CFI: variants seen among roughly 807,000 people sequenced by gnomAD.
The protein encoded by CFI is C3B/C4B inactivator.
Under a neutral mutation model 78.8 loss-of-function variants are expected in CFI, and 66 were observed. The ratio of observed to expected loss-of-function variants is 0.84; its 90% CI spans 0.69 to 1.03. The LOEUF (loss-of-function observed/expected upper bound fraction) is 1.03. Among genes scored for constraint, CFI ranks in the 50% least tolerant of loss-of-function variants. The pLI is 0.00. For missense variants in CFI, 706 were observed against 704.5 expected (o/e 1.00, Z -0.02); for synonymous variants, 250 against 232.6 (o/e 1.07, Z -0.68).
downstream of CFI, among the ~76,000 whole-genome samples, chr4:109,736,834 C>T (rs1458459671): frequency 6.6e-6 from 1 of 152,170 alleles, no homozygotes; most frequent in East Asian, 1.9e-4. Context: ...TACACCTTCA[C>T]TGGGCTTCCT....
intron 10 of CFI, among the ~76,000 whole-genome samples, chr4:109,747,743 G>T (rs1724654217): frequency 6.6e-6 from 1 of 152,114 alleles, no homozygotes; most frequent in Non-Finnish European, 1.5e-5. Flanking sequence ...TTTGGCACCA[G>T]GGACAGGTTT....
intron 1 of CFI, among the ~76,000 whole-genome samples, chr4:109,792,125 A>G (rs1731458322): frequency 6.6e-6 from 1 of 152,184 alleles, no homozygotes; most frequent in African/African-American, 2.4e-5. Flanking sequence ...TGTGCGCTTG[A>G]GAAAAATGTG....
At chr4:109,796,804 A>G (rs925713275) in intron 1 of CFI, among the ~76,000 whole-genome samples, 1 of 152,236 alleles carries the variant, frequency 6.6e-6, no homozygotes, top group Non-Finnish European at 1.5e-5. Context: ...CTTTAACAAA[A>G]CAAAACAATC....
At chr4:109,739,257 C>T (rs1440245567), downstream of CFI, among the ~76,000 whole-genome samples, 2 of 150,194 alleles carry the variant, frequency 1.3e-5, no homozygotes, top group Non-Finnish European at 3.0e-5. Context: ...TGTCTGTCTT[C>T]AGGATAAAGA....
intron 1 of CFI, among the ~76,000 whole-genome samples, chr4:109,774,666 C>T (rs370713556): frequency 1.3e-5 from 2 of 152,228 alleles, no homozygotes; most frequent in African/African-American, 4.8e-5. Flanking sequence ...GGTGTAAACC[C>T]TCCAGTGTGT....
intron 1 of CFI, 89 bp from the exon 2 acceptor site, chr4:109,766,913 T>TA (rs1260723286): frequency 1.5e-6 from 2 of 1,299,024 alleles, no homozygotes; most frequent in Non-Finnish European, 2.2e-6. Flanking sequence ...GCAAAACAGA[T>TA]ACAGCCCACA....
At chr4:109,780,698 G>A (rs549867127) in intron 1 of CFI, among the ~76,000 whole-genome samples, 29 of 152,200 alleles carry the variant, frequency 1.9e-4, no homozygotes, top group South Asian at 1.9e-3. Context: ...ACATGCACAC[G>A]TATGTTTATT....
intron 1 of CFI, among the ~76,000 whole-genome samples, chr4:109,783,774 C>G (rs1730360482): frequency 6.8e-6 from 1 of 146,508 alleles, no homozygotes; most frequent in African/African-American, 2.5e-5. Context: ...AGAGCCAATC[C>G]AAATGCCCAC....
intron 8 of CFI, 107 bp downstream of exon 8, chr4:109,752,361 G>T: frequency 2.1e-6 from 2 of 953,892 alleles, no homozygotes; most frequent in Non-Finnish European, 3.3e-6. Context: ...AATTTAAATT[G>T]ATACCAAAAC....
At chr4:109,732,265 C>T in the CFI span, among the ~76,000 whole-genome samples, 3 of 152,168 alleles carry the variant, frequency 2.0e-5, no homozygotes, top group Non-Finnish European at 4.4e-5. Flanking sequence ...TCTCAAATGC[C>T]AGTTCTTCTG....
In CFI at chr4:109,783,812, G is replaced by GATATATATATATATATATAT. The variant is rs34128338; in HGVS notation, c.58-17008_58-16989dup. Among the ~76,000 whole-genome samples the GATATATATATATATATATAT allele has an allele frequency of 5.6e-3, 631 of 112,794 alleles. 29 individuals are homozygous for GATATATATATATATATATAT. Among genetic ancestry groups the GATATATATATATATATATAT allele is most frequent in the Admixed American group, 8.1e-3 (80 of 9,898 alleles). 74.0% of individuals were successfully genotyped at this position (112,794 alleles called of 152,430 possible). ...TTCAATGAGTGGATAAAGAAACTGT[G>GATATATATATATATATATAT]ATATATATATATATATATATATGAT... is the stretch of plus-strand genomic sequence containing the variant. On this transcript the variant is annotated intron_variant, in intron 1 of 12. Coordinates refer to ENST00000394634, the MANE Select transcript of CFI (RefSeq NM_000204.5).
At chr4:109,746,727 G>A (rs1255199863) in intron 10 of CFI, among the ~76,000 whole-genome samples, 2 of 152,134 alleles carry the variant, frequency 1.3e-5, no homozygotes, top group African/African-American at 4.8e-5. Flanking sequence ...CTCAATATGA[G>A]GAACATAAAG....
At chr4:109,737,664 C>T (rs1279321347), downstream of CFI, among the ~76,000 whole-genome samples, 1 of 152,184 alleles carries the variant, frequency 6.6e-6, no homozygotes, top group Non-Finnish European at 1.5e-5. Flanking sequence ...GACTGGGACC[C>T]ATGCTAGTGG....
intron 1 of CFI, among the ~76,000 whole-genome samples, chr4:109,782,667 G>GA (rs1311718691): frequency 4.0e-5 from 6 of 151,038 alleles, no homozygotes; most frequent in Admixed American, 1.3e-4. Flanking sequence ...CACAGAATTA[G>GA]AAAAAAAAAT....
At chr4:109,733,284 C>T in the CFI span, among the ~76,000 whole-genome samples, 1 of 152,194 alleles carries the variant, frequency 6.6e-6, no homozygotes, top group African/African-American at 2.4e-5. Context: ...TCTCACGTAA[C>T]TTCTAGATGA....
intron 1 of CFI, among the ~76,000 whole-genome samples, chr4:109,770,901 T>G (rs1372221786): frequency 1.3e-5 from 2 of 151,796 alleles, no homozygotes; most frequent in Non-Finnish European, 2.9e-5. Flanking sequence ...GAAGAAGGAG[T>G]GGCTAACAAA....
intron 4 of CFI, among the ~76,000 whole-genome samples, chr4:109,761,162 G>T (rs1332225443): frequency 6.6e-6 from 1 of 152,148 alleles, no homozygotes; most frequent in Non-Finnish European, 1.5e-5. Flanking sequence ...TCACTTAAAG[G>T]TTTTAAATAA....
chr4:109,791,675 C>A lies in CFI; in HGVS notation c.57+10240G>T, dbSNP rs191631118. Among the ~76,000 whole-genome samples the A allele has an allele frequency of 6.0e-4, 91 of 152,278 alleles. No individual in the cohort carries two copies. In the Middle Eastern group the frequency reaches 0.01, roughly 17 times the overall value. On this transcript the variant is annotated intron_variant, in intron 1 of 12. Transcript: ENST00000394634. ...TCTGCAATTGGCTAGCCAGTTATCC[C>A]AGCATCATTTATTGAATAGGGAGTC...
At chr4:109,780,332 C>G (rs538125391) in intron 1 of CFI, among the ~76,000 whole-genome samples, 1 of 152,044 alleles carries the variant, frequency 6.6e-6, no homozygotes, top group Non-Finnish European at 1.5e-5. Flanking sequence ...AAAAAGTGGT[C>G]GAAGGATATG....
Sources: allele counts gnomAD v4.1 joint callset (sites outside exome capture counted in the v4.1 genomes callset), GRCh38; gene constraint gnomAD v4.1.1; transcripts MANE v1.5; gene names NCBI Gene and HGNC (gene_info 2026-07-23, HGNC 2026-07-21).